UBE2E1: variants seen among roughly 807,000 people sequenced by gnomAD.
UBE2E1 encodes the protein ubiquitin-conjugating enzyme E2 E1.
Under a neutral mutation model 21.4 loss-of-function variants are expected in UBE2E1, and 6 were observed. The ratio of observed to expected loss-of-function variants is 0.28; its 90% CI spans 0.15 to 0.55. UBE2E1 has a LOEUF of 0.55. UBE2E1 is among the 20% of genes least tolerant of loss of function. The pLI is 0.93. For synonymous variants in UBE2E1, 87 were observed against 82.7 expected, an observed-to-expected ratio of 1.05 and a Z score of -0.28; for missense variants, 142 against 236.5, an observed-to-expected ratio of 0.60 and a Z score of 2.62.
intron 5 of UBE2E1, 88 bp downstream of exon 5, chr3:23,889,347 T>C: frequency 6.3e-7 from 1 of 1,590,456 alleles, no homozygotes; most frequent in Non-Finnish European, 8.5e-7. Context: ...AAAACTAATT[T>C]TTCTGCACAA....
At chr3:23,828,129 TA>T (rs1386347889) in intron 3 of UBE2E1, among the ~76,000 whole-genome samples, 3 of 152,198 alleles carry the variant, frequency 2.0e-5, no homozygotes, top group Non-Finnish European at 4.4e-5. Context: ...ACCGAGTTTT[TA>T]AAAAATATGA....
intron 3 of UBE2E1, among the ~76,000 whole-genome samples, chr3:23,884,845 C>G (rs1052079187): frequency 4.6e-5 from 7 of 152,276 alleles, no homozygotes; most frequent in African/African-American, 1.4e-4. Flanking sequence ...TTTAGAGTAG[C>G]CTTTTGCCTT....
In UBE2E1 at chr3:23,829,595, A is replaced by G. The variant is rs575502480; in HGVS notation, c.203+18085A>G. On this transcript the variant is annotated intron_variant, in intron 3 of 5. Transcript: ENST00000306627. The stretch of plus-strand genomic sequence containing the variant: ...GGGTTTACCAGTAGCCTGAGCCCCC[A>G]TACCTGCCCCTCTCCTGGAAAAGTG... Among the ~76,000 whole-genome samples, 250 of 152,198 alleles carry G rather than the reference A, an allele frequency of 1.6e-3. 1 individual carries two copies. The highest frequency in any genetic ancestry group is 5.9e-3 in the African/African-American group (245 of 41,538).
intron 3 of UBE2E1, among the ~76,000 whole-genome samples, chr3:23,831,518 C>CTGTT (rs1699865508): frequency 1.5e-5 from 2 of 137,200 alleles, no homozygotes; most frequent in Non-Finnish European, 3.1e-5. Flanking sequence ...AAAATGAATA[C>CTGTT]TTTTTTTTTT....
chr3:23,825,810 G>A (rs575698362), intron 3 of UBE2E1, among the ~76,000 whole-genome samples: 37 of 152,280 alleles, frequency 2.4e-4, no homozygotes, highest in South Asian at 2.1e-3. Context: ...GTAGAAAGCC[G>A]TGGGAGAGCT....
At chr3:23,834,543 G>A (rs1428737650) in intron 3 of UBE2E1, among the ~76,000 whole-genome samples, 2 of 151,988 alleles carry the variant, frequency 1.3e-5, no homozygotes, top group East Asian at 3.9e-4. Context: ...AGCACTGCTA[G>A]CTGCTCCTGG....
At chr3:23,888,185 T>C (rs1023865551) in intron 4 of UBE2E1, 27 of 456,340 alleles carry the variant, frequency 5.9e-5, no homozygotes, top group South Asian at 3.9e-4. Flanking sequence ...TCCCAAAGCT[T>C]TGGATTCTGT....
Position 23,807,339 on chromosome 3 carries a change from A to T in UBE2E1, c.70A>T (p.Lys24Ter). ...TTCGTCTTCCAACCAGCAAACCGAG[A>T]AAGAAACAAACACCCCCAAGAAGAA... is the stretch of plus-strand genomic sequence containing the variant. ...SSSSSNQQTE[K>*]ETNTPKKKES... The change falls in exon 2 of 6, where the codon AAA becomes TAA. Residue 24 changes from lysine (K) to a stop codon, truncating the protein, a stop_gained. Coordinates refer to ENST00000306627, the MANE Select transcript of UBE2E1 (RefSeq NM_003341.5). LOFTEE classifies it high-confidence loss of function. The T allele has an allele frequency of 6.2e-7, 1 of 1,614,016 alleles. No homozygotes were observed. Among genetic ancestry groups the T allele is most frequent in the Non-Finnish European group, 8.5e-7 (1 of 1,179,976 alleles).
chr3:23,851,455 G>T (rs1700323300), intron 3 of UBE2E1, among the ~76,000 whole-genome samples: 1 of 151,964 alleles, frequency 6.6e-6, no homozygotes, highest in South Asian at 2.1e-4. Flanking sequence ...GTCCAGCTGG[G>T]GTTTTTACAG....
chr3:23,828,729 G>A lies in UBE2E1; in HGVS notation c.203+17219G>A, dbSNP rs138537535. ...ATAAAATAAACGTTACATAGCTACT[G>A]AACAAGACATTATATAAAGGTTCGT... On this transcript the variant is annotated intron_variant, in intron 3 of 5. Coordinates refer to ENST00000306627, the MANE Select transcript of UBE2E1 (RefSeq NM_003341.5). Among the ~76,000 whole-genome samples the A allele has an allele frequency of 7.6e-3, 1,164 of 152,258 alleles. 16 individuals carry two copies. Among genetic ancestry groups the A allele is most frequent in the African/African-American group, 0.026 (1,096 of 41,548 alleles).
intron 3 of UBE2E1, among the ~76,000 whole-genome samples, chr3:23,834,158 C>T (rs1419363321): frequency 2.0e-5 from 3 of 152,160 alleles, no homozygotes; most frequent in South Asian, 2.1e-4. Flanking sequence ...TTTTACAGCT[C>T]ATTTGTGATA....
intron 3 of UBE2E1, among the ~76,000 whole-genome samples, chr3:23,854,415 G>A (rs1247017553): frequency 6.6e-6 from 1 of 152,108 alleles, no homozygotes; most frequent in Non-Finnish European, 1.5e-5. Flanking sequence ...ATCCTATGTG[G>A]AGAGCCAGTC....
At chr3:23,815,216 A>T (rs1699490088) in intron 3 of UBE2E1, among the ~76,000 whole-genome samples, 1 of 152,190 alleles carries the variant, frequency 6.6e-6, no homozygotes, top group Non-Finnish European at 1.5e-5. Context: ...TCCTGGCCTC[A>T]AGCCGTCCAC....
intron 3 of UBE2E1, among the ~76,000 whole-genome samples, chr3:23,830,703 G>A (rs887647522): frequency 6.6e-6 from 1 of 152,208 alleles, no homozygotes; most frequent in Non-Finnish European, 1.5e-5. Context: ...CTGTTTAAGA[G>A]TGGCCTTGTC....
intron 3 of UBE2E1, among the ~76,000 whole-genome samples, chr3:23,858,618 C>G (rs1287976266): frequency 1.3e-5 from 2 of 152,038 alleles, no homozygotes; most frequent in Non-Finnish European, 2.9e-5. Flanking sequence ...CTGCGCCCGG[C>G]CAGGAACTTT....
At chr3:23,888,155 A>G (rs1264213932) in intron 4 of UBE2E1, 5 of 454,088 alleles carry the variant, frequency 1.1e-5, no homozygotes, top group Non-Finnish European at 2.2e-5. Context: ...GGGCCAAACA[A>G]CTAGAGAATC....
chr3:23,852,565 A>G (rs1035984466), intron 3 of UBE2E1, among the ~76,000 whole-genome samples: 1 of 152,138 alleles, frequency 6.6e-6, no homozygotes, highest in Non-Finnish European at 1.5e-5. Flanking sequence ...AGATCGTGTT[A>G]CTTCTTTTCC....
intron 2 of UBE2E1, 25 bp downstream of exon 2, chr3:23,807,446 C>A: frequency 6.3e-7 from 1 of 1,596,522 alleles, no homozygotes; most frequent in South Asian, 1.1e-5. Context: ...TTTTTTTCCA[C>A]AGGCTTCCTA....
intron 5 of UBE2E1, chr3:23,889,598 G>A (rs1456236050): frequency 1.4e-5 from 14 of 985,018 alleles, no homozygotes; most frequent in Admixed American, 6.2e-5. Context: ...TAAATGTCGA[G>A]TCATCTGCCT....
Sources: allele counts gnomAD v4.1 joint callset (sites outside exome capture counted in the v4.1 genomes callset), GRCh38; gene constraint gnomAD v4.1.1; transcripts MANE v1.5; gene names NCBI Gene and HGNC (gene_info 2026-07-23, HGNC 2026-07-21).